YIPF1: variants seen among roughly 807,000 people sequenced by gnomAD.
The protein encoded by YIPF1 is protein YIPF1.
YIPF1 carries 22 observed loss-of-function variants against 37.0 expected under a neutral mutation model. That is an observed-to-expected ratio of 0.59 (90% CI 0.42 to 0.85). The LOEUF (loss-of-function observed/expected upper bound fraction) is 0.85, where lower values mean the gene tolerates loss of function less well. Ranked by LOEUF, YIPF1 falls within the 40% of genes least tolerant of loss-of-function variation. The pLI, the probability that YIPF1 is intolerant of heterozygous loss-of-function variation, is 0.00. For synonymous variants in YIPF1, 128 were observed against 131.9 expected (o/e 0.97, Z 0.21); for missense variants, 355 against 373.1 (o/e 0.95, Z 0.40).
intron 3 of YIPF1, among the ~76,000 whole-genome samples, chr1:53,885,307 C>T (rs544386859): frequency 2.0e-5 from 3 of 152,308 alleles, no homozygotes; most frequent in African/African-American, 7.2e-5. Context: ...ATATACTTAA[C>T]TCTCACAGTT....
At chr1:53,868,389 C>T (rs1253306200) in intron 7 of YIPF1, among the ~76,000 whole-genome samples, 1 of 152,128 alleles carries the variant, frequency 6.6e-6, no homozygotes, top group Non-Finnish European at 1.5e-5. Flanking sequence ...ACTTAACCTT[C>T]CTGTCTCAGT....
At chr1:53,860,628 C>A (rs1181096) in intron 9 of YIPF1, among the ~76,000 whole-genome samples, 66,144 of 152,104 alleles carry the variant, frequency 0.43, 15,356 homozygotes, top group African/African-American at 0.6. Flanking sequence ...CAGGGCCTGG[C>A]ACAGTATGTA....
chr1:53,887,001 G>A (rs536516622), intron 3 of YIPF1, among the ~76,000 whole-genome samples: 2 of 152,102 alleles, frequency 1.3e-5, no homozygotes, highest in Middle Eastern at 6.8e-3. Flanking sequence ...AAGGACGAGA[G>A]CAGCAGATGA....
rs1437764096 is a variant in YIPF1, at chr1:53,851,823, A to G, written c.*456T>C. The G allele has an allele frequency of 6.6e-6, 1 of 152,184 alleles. No individual in the cohort carries two copies. The highest frequency in any genetic ancestry group is 1.5e-5 in the Non-Finnish European group (1 of 68,060). 9.4% of individuals were successfully genotyped at this position (152,184 alleles called of 1,614,324 possible). A position where few individuals can be genotyped will look rare whatever the true frequency, so the allele number is the denominator to read the frequency against. Reference sequence around the variant, plus strand: ...ATTTTCAAGCTCCCGGTTAATCCCCACCAAAGTTTCTACTGTTCGGCTACT... The same window carrying G: ...ATTTTCAAGCTCCCGGTTAATCCCCGCCAAAGTTTCTACTGTTCGGCTACT... On this transcript the variant is annotated 3_prime_UTR_variant, in exon 11 of 11. Coordinates refer to ENST00000072644, the MANE Select transcript of YIPF1 (RefSeq NM_018982.5).
At chr1:53,855,049 G>A (rs1030188326) in intron 10 of YIPF1, 2 of 151,512 alleles carry the variant, frequency 1.3e-5, no homozygotes, top group Non-Finnish European at 2.9e-5. Flanking sequence ...TCTCAAGTGA[G>A]TCCTGAAAAA....
At chr1:53,863,140 C>T (rs975167299) in intron 9 of YIPF1, among the ~76,000 whole-genome samples, 10 of 152,196 alleles carry the variant, frequency 6.6e-5, no homozygotes, top group African/African-American at 2.2e-4. Flanking sequence ...CAGTCCAACC[C>T]GTCCCGCTCT....
chr1:53,855,351 TAC>T (rs1331973950), intron 10 of YIPF1, among the ~76,000 whole-genome samples: 1 of 151,916 alleles, frequency 6.6e-6, no homozygotes, highest in Non-Finnish European at 1.5e-5. Flanking sequence ...GCTTCCCAGG[TAC>T]AGTTTCCAGG....
At chr1:53,862,298 T>G (rs1051735283) in intron 9 of YIPF1, among the ~76,000 whole-genome samples, 14 of 152,226 alleles carry the variant, frequency 9.2e-5, no homozygotes, top group African/African-American at 3.4e-4. Context: ...CTCCATAGTC[T>G]GTGCTCTTCT....
intron 3 of YIPF1, among the ~76,000 whole-genome samples, chr1:53,884,270 A>G (rs929388467): frequency 2.0e-5 from 3 of 150,992 alleles, no homozygotes; most frequent in Admixed American, 6.6e-5. Flanking sequence ...ACAAAAAAAC[A>G]CTCTTAGTTC....
rs1557605849 is a variant in YIPF1 at position 53,870,160 on chromosome 1, C to CTCTTTTTTTTTTT, written c.481+1211_481+1212insAAAAAAAAAAAGA. 1.2e-3 allele frequency among the ~76,000 whole-genome samples: 109 copies of CTCTTTTTTTTTTT among 91,216 alleles called. 19 individuals carry two copies. The highest frequency in any genetic ancestry group is 4.6e-3 in the African/African-American group (105 of 22,614). The allele number at this position is 91,216 out of a possible 152,430, so 59.8% of individuals were successfully genotyped here. On this transcript the variant is annotated intron_variant, in intron 7 of 10. Coordinates refer to ENST00000072644, the MANE Select transcript of YIPF1 (RefSeq NM_018982.5). ...AGGCTTGAGCCACCGCACCGGGTCT[C>CTCTTTTTTTTTTT]TTTTTTTTTTTTTTTTTTTTTTTTT...
chr1:53,867,169 C>G (rs1361988226), intron 7 of YIPF1, among the ~76,000 whole-genome samples: 1 of 152,116 alleles, frequency 6.6e-6, no homozygotes, highest in Non-Finnish European at 1.5e-5. Flanking sequence ...GATCAATAGT[C>G]TCTCATATGG....
intron 7 of YIPF1, among the ~76,000 whole-genome samples, chr1:53,867,599 C>T (rs530799586): frequency 2.8e-4 from 42 of 152,146 alleles, no homozygotes; most frequent in South Asian, 6.2e-4. Flanking sequence ...GTCCTGACCT[C>T]GTGATCCGCC....
chr1:53,864,711 AT>A (rs1360090120), intron 9 of YIPF1, among the ~76,000 whole-genome samples: 2 of 151,152 alleles, frequency 1.3e-5, no homozygotes, highest in African/African-American at 4.9e-5. Flanking sequence ...TTGGACTCTG[AT>A]TTTTTTTTCA....
chr1:53,853,335 G>A (rs889472250), intron 10 of YIPF1, among the ~76,000 whole-genome samples: 1 of 152,180 alleles, frequency 6.6e-6, no homozygotes, highest in African/African-American at 2.4e-5. Context: ...TATAAATGAT[G>A]GTGCCATTCC....
At chr1:53,879,726 T>C (rs1650438170) in intron 4 of YIPF1, among the ~76,000 whole-genome samples, 1 of 152,164 alleles carries the variant, frequency 6.6e-6, no homozygotes, top group Admixed American at 6.5e-5. Context: ...TTTTGTTCAT[T>C]ATAAAGGAAA....
intron 6 of YIPF1, among the ~76,000 whole-genome samples, chr1:53,872,998 C>T (rs1174490966): frequency 2.0e-5 from 3 of 152,284 alleles, no homozygotes; most frequent in African/African-American, 7.2e-5. Flanking sequence ...ATAAATCTGA[C>T]CATGTGTTAT....
intron 9 of YIPF1, among the ~76,000 whole-genome samples, chr1:53,863,530 A>G (rs1411774069): frequency 6.6e-6 from 1 of 152,212 alleles, no homozygotes; most frequent in Non-Finnish European, 1.5e-5. Context: ...GAGGAAACCA[A>G]GGTTCTGAGA....
intron 6 of YIPF1, among the ~76,000 whole-genome samples, chr1:53,877,980 C>T (rs1306825368): frequency 1.3e-5 from 2 of 152,082 alleles, no homozygotes; most frequent in Non-Finnish European, 2.9e-5. Context: ...CAGGGTCTTG[C>T]TATGTTGCCC....
intron 9 of YIPF1, among the ~76,000 whole-genome samples, chr1:53,861,685 A>AAG: frequency 1.1e-5 from 1 of 95,042 alleles, no homozygotes; most frequent in South Asian, 4.7e-4. Context: ...AGGAAGGGAG[A>AAG]GAGAGAGGGA....
Sources: allele counts gnomAD v4.1 joint callset (sites outside exome capture counted in the v4.1 genomes callset), GRCh38; gene constraint gnomAD v4.1.1; transcripts MANE v1.5; gene names NCBI Gene and HGNC (gene_info 2026-07-23, HGNC 2026-07-21).